The following VPS13A variants were observed in gnomAD, a reference collection of about 807,000 sequenced individuals.
The protein encoded by VPS13A is intermembrane lipid transfer protein VPS13A.
Under a neutral mutation model 390.9 loss-of-function variants are expected in VPS13A, and 264 were observed. That is an observed-to-expected ratio of 0.68 (90% CI 0.61 to 0.75). The LOEUF is 0.75. VPS13A is among the 30% of genes least tolerant of loss of function. The pLI is 0.00. For missense variants in VPS13A, 3,409 were observed against 3,733.9 expected, an observed-to-expected ratio of 0.91 and a Z score of 2.27; for synonymous variants, 1,231 against 1,227.1, an observed-to-expected ratio of 1.00 and a Z score of -0.07.
chr9:77,310,269 A>C (rs149420498), intron 35 of VPS13A, among the ~76,000 whole-genome samples: 1 of 152,268 alleles, frequency 6.6e-6, no homozygotes, highest in South Asian at 2.1e-4. Context: ...CAAATTATCT[A>C]TGTGAATAGG....
chr9:77,202,150 A>G (rs1174101579), intron 3 of VPS13A, among the ~76,000 whole-genome samples: 1 of 152,132 alleles, frequency 6.6e-6, no homozygotes, highest in Non-Finnish European at 1.5e-5. Flanking sequence ...CCTAGATTAC[A>G]TGATAAAGGT....
intron 27 of VPS13A, among the ~76,000 whole-genome samples, chr9:77,280,685 T>C (rs561889654): frequency 2.6e-4 from 39 of 152,220 alleles, no homozygotes; most frequent in Non-Finnish European, 4.4e-4. Flanking sequence ...TTCTATGTAC[T>C]ATGGTCTATT....
At chr9:77,385,395 A>C (rs140853347) in intron 68 of VPS13A, among the ~76,000 whole-genome samples, 1 of 152,026 alleles carries the variant, frequency 6.6e-6, no homozygotes, top group East Asian at 1.9e-4. Context: ...AGTTGGTTTT[A>C]ATAGTCATTA....
intron 20 of VPS13A, among the ~76,000 whole-genome samples, chr9:77,249,730 A>C (rs1453667985): frequency 6.6e-6 from 1 of 152,328 alleles, no homozygotes; most frequent in East Asian, 1.9e-4. Context: ...TTGTACAGCC[A>C]TGTCAGTATT....
At chr9:77,351,177 G>T (rs930772692) in intron 52 of VPS13A, 140 bp from the exon 53 acceptor site, 2 of 1,094,770 alleles carry the variant, frequency 1.8e-6, no homozygotes, top group Non-Finnish European at 1.3e-6. Flanking sequence ...ATTGTATAAG[G>T]TAAGAATTTC....
intron 12 of VPS13A, among the ~76,000 whole-genome samples, chr9:77,220,788 A>G (rs1416489225): frequency 6.6e-6 from 1 of 152,126 alleles, no homozygotes; most frequent in Non-Finnish European, 1.5e-5. Context: ...GAGTCTATGC[A>G]GGATAATCCC....
In VPS13A at chr9:77,367,890, A is replaced by T. The variant is rs575191090; in HGVS notation, c.8472-165A>T. ...TCTTAGAAGGTTCTTTGATTAGGAT[A>T]TGCAGAGATGTATGTAAAAAGTAAA... On this transcript the variant is annotated intron_variant, in intron 61 of 71. Coordinates refer to ENST00000360280, the MANE Select transcript of VPS13A (RefSeq NM_033305.3). 1.5e-4 allele frequency among the ~76,000 whole-genome samples: 23 copies of T among 152,334 alleles called. 1 individual carries two copies. Among genetic ancestry groups the T allele is most frequent in the Non-Finnish European group, 1.5e-5 (1 of 68,030 alleles).
chr9:77,326,408 C>T (rs574452094), intron 45 of VPS13A, among the ~76,000 whole-genome samples: 74 of 152,172 alleles, frequency 4.9e-4, no homozygotes, highest in Non-Finnish European at 9.1e-4. Flanking sequence ...TTTGAACTTG[C>T]CCCACAGCTC....
At chr9:77,269,694 T>C (rs1436514955) in intron 23 of VPS13A, among the ~76,000 whole-genome samples, 1 of 152,232 alleles carries the variant, frequency 6.6e-6, no homozygotes. Context: ...TTTTAAAAAT[T>C]GGTTATTTGT....
At chr9:77,195,573 C>T (rs1445378655) in intron 1 of VPS13A, among the ~76,000 whole-genome samples, 1 of 152,012 alleles carries the variant, frequency 6.6e-6, no homozygotes, top group Non-Finnish European at 1.5e-5. Context: ...CCCGTCTCTA[C>T]TAAAAATACA....
rs149437785 is a variant in VPS13A at position 77,252,552 on chromosome 9, G to A, written c.2288+200G>A. On this transcript the variant is annotated intron_variant, in intron 22 of 71. Coordinates refer to ENST00000360280, the MANE Select transcript of VPS13A (RefSeq NM_033305.3). ...TATAGTTCATTGTCATTAGGTTCAC[G>A]CATGTTGTTATGCAACCATCACCAC... 2.8e-4 allele frequency among the ~76,000 whole-genome samples: 43 copies of A among 152,090 alleles called. No individual in the cohort carries two copies. The Middle Eastern group carries it at 0.017, about 60-fold the overall frequency.
Position 77,283,467 on chromosome 9 carries a change from T to G in VPS13A, c.3231T>G (p.Ile1077Met), listed in dbSNP as rs781746559. 3.1e-6 allele frequency: 5 copies of G among 1,600,002 alleles called. No homozygotes were observed. Among genetic ancestry groups the G allele is most frequent in the Non-Finnish European group, 4.3e-6 (5 of 1,167,664 alleles). The change falls in exon 30 of 72, where the codon ATT becomes ATG. Residue 1077 changes from isoleucine (I) to methionine (M), a missense_variant. By Grantham distance (10) the Ile-to-Met change is conservative (BLOSUM62 1). Transcript: ENST00000360280. ...AATGTAACATTTCTGAAATTAAGAT[T>G]GAAGGTAATAAAATTTCACAAAAAG... ...DQKCNISEIK[I>M]EGLDSEMIMR...
chr9:77,216,563 C>T (rs1438727074), intron 10 of VPS13A, among the ~76,000 whole-genome samples: 1 of 152,048 alleles, frequency 6.6e-6, no homozygotes, highest in Non-Finnish European at 1.5e-5. Flanking sequence ...GAGAGAAGTC[C>T]TTATACTGAG....
rs573451445 is a variant in VPS13A at position 77,247,133 on chromosome 9, G to A, written c.1901-126G>A. ...AATTTTATATTGGAAGTATTTTGCTGAGGTCATTTTAAAATTAATACTAAT... is the reference window on the plus strand; with the variant it reads ...AATTTTATATTGGAAGTATTTTGCTAAGGTCATTTTAAAATTAATACTAAT... On this transcript the variant is annotated intron_variant, in intron 19 of 71. Coordinates refer to ENST00000360280, the MANE Select transcript of VPS13A (RefSeq NM_033305.3). The A allele has an allele frequency of 1.9e-5, 15 of 779,440 alleles. No homozygotes were observed. The East Asian group carries it at 3.5e-4, about 18-fold the overall frequency. 48.3% of individuals were successfully genotyped at this position (779,440 alleles called of 1,614,324 possible).
chr9:77,219,556 A>G (rs934752145), intron 10 of VPS13A, among the ~76,000 whole-genome samples: 82 of 152,326 alleles, frequency 5.4e-4, no homozygotes, highest in Non-Finnish European at 5.1e-4. Context: ...TTGATCAGAA[A>G]TTCAGAAATT....
rs1825717840 is a variant in VPS13A at position 77,260,818 on chromosome 9, G to GTGCC, written c.2427+596_2427+597insCCTG. 2.0e-5 allele frequency among the ~76,000 whole-genome samples: 3 copies of GTGCC among 152,076 alleles called. No homozygotes were observed. In the East Asian group the frequency reaches 5.8e-4, roughly 29 times the overall value. On this transcript the variant is annotated intron_variant, in intron 23 of 71. Coordinates refer to ENST00000360280, the MANE Select transcript of VPS13A (RefSeq NM_033305.3). ...TTCTCTAGTTTTTAAAAAAATTTTT[G>GTGCC]TGGCATATACTAGTACACACATGCA...
At chr9:77,218,291 T>C (rs1236421308) in intron 10 of VPS13A, among the ~76,000 whole-genome samples, 1 of 152,084 alleles carries the variant, frequency 6.6e-6, no homozygotes, top group Non-Finnish European at 1.5e-5. Context: ...TTTTTTGTAC[T>C]TTAAATACAG....
At chr9:77,282,965 AAAC>A (rs571123343) in intron 29 of VPS13A, among the ~76,000 whole-genome samples, 6 of 152,176 alleles carry the variant, frequency 3.9e-5, no homozygotes, top group African/African-American at 9.6e-5. Context: ...CGAAAAAAAA[AAAC>A]AAAAAAGAGT....
At chr9:77,208,180 A>T (rs1270630145) in intron 5 of VPS13A, among the ~76,000 whole-genome samples, 2 of 152,190 alleles carry the variant, frequency 1.3e-5, no homozygotes, top group East Asian at 3.9e-4. Context: ...TCAAAGATTA[A>T]AATATGATCC....
Sources: gnomAD v4.1 joint callset for allele counts (sites outside exome capture counted in the v4.1 genomes callset) on GRCh38, gnomAD v4.1.1 for gene constraint, MANE v1.5 for transcripts, NCBI Gene and HGNC (gene_info 2026-07-23, HGNC 2026-07-21) for gene names.